The following PRELID2 variants were observed in gnomAD, a reference collection of about 807,000 sequenced individuals.
PRELID2 encodes PRELI domain containing 2, also known as PRELI domain-containing protein 2.
A neutral mutation model predicts 28.4 loss-of-function variants in PRELID2; 25 were observed. The ratio of observed to expected loss-of-function variants is 0.88; its 90% CI spans 0.64 to 1.23. The LOEUF (loss-of-function observed/expected upper bound fraction) is 1.23, where lower values mean the gene tolerates loss of function less well. Among genes scored for constraint, PRELID2 ranks in the 50% most tolerant of loss-of-function variants. The probability of loss-of-function intolerance (pLI) is 0.00; values close to 1 mark genes in which losing one functional copy is unlikely to be tolerated. For missense variants in PRELID2, 201 were observed against 214.4 expected (o/e 0.94, Z 0.39); for synonymous variants, 76 against 71.6 (o/e 1.06, Z -0.31).
chr5:145,530,783 C>A (rs1752648486), intron 1 of PRELID2, among the ~76,000 whole-genome samples: 1 of 151,882 alleles, frequency 6.6e-6, no homozygotes, highest in African/African-American at 2.4e-5. Flanking sequence ...GGAAGCTAGT[C>A]GTGGGTGGGG....
chr5:145,509,716 T>C (rs1346895530), intron 1 of PRELID2, among the ~76,000 whole-genome samples: 1 of 152,242 alleles, frequency 6.6e-6, no homozygotes, highest in African/African-American at 2.4e-5. Flanking sequence ...CTTCATTTTG[T>C]TCTTTAAAAC....
intron 5 of PRELID2, among the ~76,000 whole-genome samples, chr5:145,782,836 G>C (rs1314102765): frequency 6.6e-6 from 1 of 152,174 alleles, no homozygotes; most frequent in Non-Finnish European, 1.5e-5. Context: ...GAAAAATCTT[G>C]GTTAGACACT....
intron 1 of PRELID2, among the ~76,000 whole-genome samples, chr5:145,687,828 C>G (rs1037655074): frequency 6.6e-6 from 1 of 152,130 alleles, no homozygotes; most frequent in Non-Finnish European, 1.5e-5. Context: ...AATCAATTAC[C>G]TCATTTAAAT....
At chr5:145,541,645 T>A (rs1319421257) in intron 1 of PRELID2, among the ~76,000 whole-genome samples, 1 of 152,084 alleles carries the variant, frequency 6.6e-6, no homozygotes, top group Non-Finnish European at 1.5e-5. Context: ...TTTATTTCTG[T>A]AAATATGCAC....
At chr5:145,601,936 T>C (rs1193286447) in intron 1 of PRELID2, among the ~76,000 whole-genome samples, 1 of 152,190 alleles carries the variant, frequency 6.6e-6, no homozygotes, top group Non-Finnish European at 1.5e-5. Flanking sequence ...TGGGAAGTAG[T>C]GCAGAGTACG....
intron 1 of PRELID2, among the ~76,000 whole-genome samples, chr5:145,533,530 C>T (rs1211824549): frequency 2.0e-5 from 3 of 152,018 alleles, no homozygotes; most frequent in African/African-American, 7.2e-5. Context: ...ATGCTTTGCT[C>T]AATGTTTTGT....
At chr5:145,746,608 A>AT (rs1756997993) in intron 1 of PRELID2, among the ~76,000 whole-genome samples, 1 of 152,170 alleles carries the variant, frequency 6.6e-6, no homozygotes, top group Admixed American at 6.5e-5. Context: ...CCCACTGTCA[A>AT]TATTAGACAG....
chr5:145,374,272 G>A, the PRELID2 span, among the ~76,000 whole-genome samples: 1 of 151,956 alleles, frequency 6.6e-6, no homozygotes, highest in African/African-American at 2.4e-5. Context: ...GAAATTCTGG[G>A]TTGACAATTC....
chr5:145,461,234 G>C, the PRELID2 span, among the ~76,000 whole-genome samples: 1 of 152,276 alleles, frequency 6.6e-6, no homozygotes, highest in African/African-American at 2.4e-5. Context: ...CAATATGTAT[G>C]TTTAGAATTG....
the PRELID2 span, among the ~76,000 whole-genome samples, chr5:145,385,364 A>G: frequency 6.6e-6 from 1 of 152,156 alleles, no homozygotes; most frequent in Non-Finnish European, 1.5e-5. Flanking sequence ...ATTTGTCTAT[A>G]AAATTTTTTG....
At chr5:145,746,400 AC>A (rs2149746715) in intron 1 of PRELID2, among the ~76,000 whole-genome samples, 1 of 152,320 alleles carries the variant, frequency 6.6e-6, no homozygotes, top group Non-Finnish European at 1.5e-5. Context: ...GACAAAACAG[AC>A]TTTAAACCAA....
At chr5:145,557,549 G>A (rs1471300731) in intron 1 of PRELID2, among the ~76,000 whole-genome samples, 2 of 152,190 alleles carry the variant, frequency 1.3e-5, no homozygotes, top group Non-Finnish European at 2.9e-5. Flanking sequence ...AATGACCTGG[G>A]TTGTCAAGGA....
At chr5:145,365,668 C>A in the PRELID2 span, among the ~76,000 whole-genome samples, 1 of 151,886 alleles carries the variant, frequency 6.6e-6, no homozygotes, top group Non-Finnish European at 1.5e-5. Context: ...TTATTCTGGT[C>A]TGGCAGAGAG....
the PRELID2 span, among the ~76,000 whole-genome samples, chr5:145,299,744 C>G: frequency 6.6e-6 from 1 of 150,970 alleles, no homozygotes; most frequent in African/African-American, 2.4e-5. Context: ...TTATCAATAG[C>G]CAGATCAATA....
At chr5:145,552,693 G>A (rs1752846587) in intron 1 of PRELID2, among the ~76,000 whole-genome samples, 1 of 151,960 alleles carries the variant, frequency 6.6e-6, no homozygotes, top group Admixed American at 6.6e-5. Context: ...TAAAAATGAG[G>A]CAAAAAGTGC....
chr5:145,396,037 C>A, the PRELID2 span, among the ~76,000 whole-genome samples: 1 of 152,122 alleles, frequency 6.6e-6, no homozygotes, highest in South Asian at 2.1e-4. Flanking sequence ...GAAACAAAAG[C>A]AGAAATGATT....
At chr5:145,412,689 T>G in the PRELID2 span, among the ~76,000 whole-genome samples, 1 of 152,326 alleles carries the variant, frequency 6.6e-6, no homozygotes, top group South Asian at 2.1e-4. Context: ...GGTGTCTTTA[T>G]AGCAGCTCCC....
intron 1 of PRELID2, among the ~76,000 whole-genome samples, chr5:145,747,079 C>T (rs7735617): frequency 0.84 from 127,116 of 152,016 alleles, 53,425 homozygotes; most frequent in East Asian, 0.96. Context: ...ATTAGAAAGC[C>T]AGAAAGATCT....
intron 1 of PRELID2, among the ~76,000 whole-genome samples, chr5:145,702,908 A>C (rs1755443049): frequency 6.6e-6 from 1 of 152,234 alleles, no homozygotes; most frequent in South Asian, 2.1e-4. Flanking sequence ...GTAGATCTTA[A>C]GGAGGAAAGA....
Sources: allele counts gnomAD v4.1 joint callset (sites outside exome capture counted in the v4.1 genomes callset), GRCh38; gene constraint gnomAD v4.1.1; transcripts MANE v1.5; gene names NCBI Gene and HGNC (gene_info 2026-07-23, HGNC 2026-07-21).